IRF5: variants seen among roughly 807,000 people sequenced by gnomAD.
The protein encoded by IRF5 is interferon regulatory factor 5.
A neutral mutation model predicts 55.1 loss-of-function variants in IRF5; 24 were observed. The ratio of observed to expected loss-of-function variants is 0.44; its 90% CI spans 0.32 to 0.61. The LOEUF is 0.61. IRF5 is among the 20% of genes least tolerant of loss of function. The pLI is 0.07. For missense variants in IRF5, 499 were observed against 658.5 expected (o/e 0.76, Z 2.65); for synonymous variants, 258 against 260.2 (o/e 0.99, Z 0.08).
At chr7:128,944,462 A>C (rs1006997140) in intron 2 of IRF5, among the ~76,000 whole-genome samples, 1 of 152,196 alleles carries the variant, frequency 6.6e-6, no homozygotes, top group Admixed American at 6.5e-5. Context: ...CCTTTCCAAA[A>C]TTCTTTTGCT....
chr7:128,946,515 G>T lies in IRF5; in HGVS notation c.400G>T (p.Glu134Ter). The change falls in exon 4 of 9, where the codon GAG (glutamate) becomes TAG (stop). Residue 134 changes from glutamate (E) to a stop codon, truncating the protein, a stop_gained. Transcript: ENST00000357234. LOFTEE classifies it high-confidence loss of function. The surrounding 1 kb of genome is among the most constrained non-coding windows in gnomAD (Gnocchi z 4.2). ...CTGCTGTGCAGACTCCCAGCCCCCT[G>T]AGGATTACTCTTTTGGTGCAGGAGA... The part of the protein sequence containing the change: ...GPAPTDSQPP[E>*]DYSFGAGEEE... The T allele has an allele frequency of 6.2e-7, 1 of 1,608,530 alleles. No homozygotes were observed. Among genetic ancestry groups the T allele is most frequent in the Admixed American group, 1.7e-5 (1 of 59,022 alleles).
chr7:128,946,011 G>A lies in IRF5; in HGVS notation c.362G>A (p.Cys121Tyr). The A allele has an allele frequency of 6.2e-7, 1 of 1,607,166 alleles. No individual in the cohort carries two copies. The highest frequency in any genetic ancestry group is 8.5e-7 in the Non-Finnish European group (1 of 1,178,008). ...CAGCCCTACAAGATCTACGAGGTCT[G>A]CTCCAATGGCCCTGCTCCCACAGGT... is the stretch of plus-strand genomic sequence containing the variant. The part of the protein sequence containing the change: ...PPQPYKIYEV[C>Y]SNGPAPTDSQ... The change falls in exon 3 of 9, where the codon TGC (cysteine) becomes TAC (tyrosine). Residue 121 changes from cysteine to tyrosine, a missense_variant. Cys to Tyr is a radical substitution (Grantham distance 194, BLOSUM62 -2). This residue lies in a region of IRF5 where 305 missense variants were observed against 340.2 expected (regional missense o/e 0.90). Transcript: ENST00000357234. This position sits in a 1 kb window ranked among gnomAD's most constrained non-coding sequence, Gnocchi z 4.2.
At chr7:128,945,753 C>G in intron 2 of IRF5, 92 bp from the exon 3 acceptor site, 4 of 1,295,712 alleles carry the variant, frequency 3.1e-6, no homozygotes, top group Non-Finnish European at 4.2e-6. Flanking sequence ...GAAGTTCTCC[C>G]CACACAGTAG....
rs148928811 is a variant in IRF5 at position 128,942,097 on chromosome 7, C to G, written c.16C>G (p.Pro6Ala). 3.4e-5 allele frequency: 55 copies of G among 1,608,736 alleles called. No homozygotes were observed. The African/African-American group carries it at 6.9e-4, about 20-fold the overall frequency. MNQSI[P>A]VAPTPPRRVR... The stretch of plus-strand genomic sequence containing the variant: ...CCCCTCTGCCATGAACCAGTCCATC[C>G]CAGTGGCTCCCACCCCACCCCGCCG... The change falls in exon 2 of 9, where the codon CCA (proline) becomes GCA (alanine). Residue 6 changes from proline (P) to alanine (A), a missense_variant. Around this residue, in one of 2 missense-constraint regions of IRF5, gnomAD observed 305 missense variants for 340.2 expected, o/e 0.90. Transcript: ENST00000357234.
At chr7:128,943,526 C>T (rs1796143191) in intron 2 of IRF5, among the ~76,000 whole-genome samples, 2 of 144,234 alleles carry the variant, frequency 1.4e-5, no homozygotes, top group South Asian at 4.5e-4. Flanking sequence ...AGGTGCATGC[C>T]ACCATGCCCA....
intron 2 of IRF5, among the ~76,000 whole-genome samples, chr7:128,944,847 C>A (rs1026441859): frequency 6.6e-6 from 1 of 152,226 alleles, no homozygotes; most frequent in Non-Finnish European, 1.5e-5. Flanking sequence ...TCACCAGCCC[C>A]TCATTGATGG....
At chr7:128,937,359 G>A (rs1428330918), upstream of IRF5, among the ~76,000 whole-genome samples, 1 of 152,234 alleles carries the variant, frequency 6.6e-6, no homozygotes, top group Non-Finnish European at 1.5e-5. Flanking sequence ...AGTGAGAGGA[G>A]GTGGGACAGG....
At chr7:128,945,756 C>T in intron 2 of IRF5, 89 bp from the exon 3 acceptor site, 3 of 1,323,500 alleles carry the variant, frequency 2.3e-6, no homozygotes, top group South Asian at 1.4e-5. Context: ...GTTCTCCCCA[C>T]ACAGTAGAGT....
rs1456608477 is a variant in IRF5 at position 128,937,943 on chromosome 7, C to G, written c.-118C>G. ...GGGGGCGGCAAGACGCGGAAGTGCC[C>G]GGCAGGTTGGCGGACCGGCGGGAGG... On this transcript the variant is annotated 5_prime_UTR_variant, in exon 1 of 9. Transcript: ENST00000357234. The G allele has an allele frequency of 6.6e-6, 1 of 152,256 alleles. No individual in the cohort carries two copies. The highest frequency in any genetic ancestry group is 1.5e-5 in the Non-Finnish European group (1 of 68,148). 9.4% of individuals were successfully genotyped at this position (152,256 alleles called of 1,614,324 possible). A position where few individuals can be genotyped will look rare whatever the true frequency, so the allele number is the denominator to read the frequency against.
chr7:128,942,713 C>T (rs1441893600), intron 2 of IRF5, among the ~76,000 whole-genome samples: 3 of 152,124 alleles, frequency 2.0e-5, no homozygotes, highest in East Asian at 1.9e-4. Flanking sequence ...ACCCTTTGCT[C>T]GTCTCACTCC....
chr7:128,944,368 A>C lies in IRF5; in HGVS notation c.196-1477A>C, dbSNP rs917059572. 2.0e-5 allele frequency among the ~76,000 whole-genome samples: 3 copies of C among 152,222 alleles called. No homozygotes were observed. In the East Asian group the frequency reaches 5.8e-4, roughly 29 times the overall value. Reference sequence around the variant, plus strand: ...ATTATTTTGGGGGTTGATTTCCTAGAGTTGAAAATTGCTGGGTCAAAGGCA... The same window carrying C: ...ATTATTTTGGGGGTTGATTTCCTAGCGTTGAAAATTGCTGGGTCAAAGGCA... On this transcript the variant is annotated intron_variant, in intron 2 of 8. Coordinates refer to ENST00000357234, the MANE Select transcript of IRF5 (RefSeq NM_001098629.3).
chr7:128,948,540 G>A lies in IRF5; in HGVS notation c.1300-33G>A. The A allele has an allele frequency of 1.2e-6, 2 of 1,610,602 alleles. No individual in the cohort carries two copies. Among genetic ancestry groups the A allele is most frequent in the Non-Finnish European group, 8.5e-7 (1 of 1,179,324 alleles). On this transcript the variant is annotated intron_variant, in intron 8 of 8. Transcript: ENST00000357234. The surrounding 1 kb of genome is among the most constrained non-coding windows in gnomAD (Gnocchi z 4.6). ...GCTGGATCTGGCAGCCCTGCCACAG[G>A]TCTCCCTGTCTCATCTCCTCTTTGC... is the stretch of plus-strand genomic sequence containing the variant.
chr7:128,944,294 C>T (rs770837447), intron 2 of IRF5, among the ~76,000 whole-genome samples: 5 of 152,182 alleles, frequency 3.3e-5, no homozygotes, highest in Non-Finnish European at 7.3e-5. Flanking sequence ...AACTTAAAAA[C>T]CACATTGTCA....
rs771977004 is a variant in IRF5, at chr7:128,948,302, C to T, written c.1273C>T (p.Arg425Ter). The T allele has an allele frequency of 3.7e-6, 6 of 1,610,082 alleles. No individual in the cohort carries two copies. Among genetic ancestry groups the T allele is most frequent in the Admixed American group, 3.4e-5 (2 of 58,826 alleles). Residue 425 changes from arginine (R) to a stop codon, truncating the protein, a stop_gained, in exon 8 of 9, where the codon CGA (arginine) becomes TGA (stop). Transcript: ENST00000357234. LOFTEE classifies it high-confidence loss of function. The surrounding 1 kb of genome is among the most constrained non-coding windows in gnomAD (Gnocchi z 4.6). ...GGAAGAATGGCCTGACCGCAAACCC[C>T]GAGAGAAGAAGCTCATTACTGTACA... The part of the protein sequence containing the change: ...FGEEWPDRKP[R>*]EKKLITVQVV...
In IRF5 at chr7:128,947,642, G is replaced by A. The variant is rs895122317; in HGVS notation, c.788-87G>A. 6.6e-7 allele frequency: 1 copy of A among 1,505,342 alleles called. No homozygotes were observed. Among genetic ancestry groups the A allele is most frequent in the Non-Finnish European group, 8.8e-7 (1 of 1,132,568 alleles). The allele number at this position is 1,505,342 out of a possible 1,614,324, so 93.2% of individuals were successfully genotyped here. On this transcript the variant is annotated intron_variant, in intron 6 of 8. Coordinates refer to ENST00000357234, the MANE Select transcript of IRF5 (RefSeq NM_001098629.3). The surrounding 1 kb of genome is among the most constrained non-coding windows in gnomAD (Gnocchi z 6.5). ...TCCCTTGGGTGGGAAAAGTGGGAGG[G>A]CGGATGGGGCTGGGCCTGGCCACTG...
In IRF5 at chr7:128,940,018, C is replaced by T. The variant is rs537788416; in HGVS notation, c.-12+1969C>T. Among the ~76,000 whole-genome samples the T allele has an allele frequency of 3.9e-5, 6 of 152,248 alleles. No homozygotes were observed. In the South Asian group the frequency reaches 8.3e-4, roughly 21 times the overall value. ...GATGGATGCTGTTCGGGTTAGAGCTCGTGTGGACCTAGCTGCAGGCAAAAG... is the reference window on the plus strand; with the variant it reads ...GATGGATGCTGTTCGGGTTAGAGCTTGTGTGGACCTAGCTGCAGGCAAAAG... On this transcript the variant is annotated intron_variant, in intron 1 of 8. Transcript: ENST00000357234.
At chr7:128,942,321 T>C in intron 2 of IRF5, 45 bp downstream of exon 2, 1 of 1,557,304 alleles carries the variant, frequency 6.4e-7, no homozygotes, top group Non-Finnish European at 8.7e-7. Context: ...GGGCACCCTG[T>C]CCCCAGAAGA....
At chr7:128,938,455 C>T (rs1238041673) in intron 1 of IRF5, among the ~76,000 whole-genome samples, 1 of 152,204 alleles carries the variant, frequency 6.6e-6, no homozygotes, top group Non-Finnish European at 1.5e-5. Flanking sequence ...TGGAGGCTGG[C>T]TTGGACCACA....
Position 128,946,655 on chromosome 7 carries a change from C to A in IRF5, c.447+93C>A. The A allele has an allele frequency of 1.2e-6, 1 of 818,300 alleles. No individual in the cohort carries two copies. Among genetic ancestry groups the A allele is most frequent in the East Asian group, 2.6e-5 (1 of 37,944 alleles). The allele number at this position is 818,300 out of a possible 1,614,324, so 50.7% of individuals were successfully genotyped here. On this transcript the variant is annotated intron_variant, in intron 4 of 8. Transcript: ENST00000357234. The surrounding 1 kb of genome is among the most constrained non-coding windows in gnomAD (Gnocchi z 4.2). The stretch of plus-strand genomic sequence containing the variant: ...TTTCCGCAGCCCCACTCCCATGGAG[C>A]CCCGTGGCCCTCTCAATAGTTCTCC...
Sources: gnomAD v4.1 joint callset for allele counts (sites outside exome capture counted in the v4.1 genomes callset) on GRCh38, gnomAD v4.1.1 for gene constraint, gnomAD v4.1.1 regional missense constraint, Gnocchi (gnomAD v3.1) non-coding constraint, MANE v1.5 for transcripts, NCBI Gene and HGNC (gene_info 2026-07-23, HGNC 2026-07-21) for gene names.